The following ADGRG6 variants were observed in gnomAD, a reference collection of about 807,000 sequenced individuals.
ADGRG6 encodes the protein adhesion G protein-coupled receptor G6.
A neutral mutation model predicts 142.4 loss-of-function variants in ADGRG6; 84 were observed. The ratio of observed to expected loss-of-function variants is 0.59; its 90% CI spans 0.49 to 0.71. ADGRG6 has a LOEUF of 0.71. Ranked by LOEUF, ADGRG6 falls within the 30% of genes least tolerant of loss-of-function variation. The pLI is 0.00. For synonymous variants in ADGRG6, 521 were observed against 520.5 expected (o/e 1.00, Z -0.01); for missense variants, 1,367 against 1,466.6 (o/e 0.93, Z 1.11).
intron 15 of ADGRG6, 41 bp from the exon 16 acceptor site, chr6:142,408,109 G>T (rs752760161): frequency 6.8e-7 from 1 of 1,468,118 alleles, no homozygotes; most frequent in South Asian, 1.4e-5. Context: ...AAATAAAAGT[G>T]TACTTCTGAC....
chr6:142,315,905 G>T (rs914695290), intron 2 of ADGRG6, among the ~76,000 whole-genome samples: 1 of 151,976 alleles, frequency 6.6e-6, no homozygotes, highest in African/African-American at 2.4e-5. Context: ...GATGGTAGCT[G>T]TCACCAGTTC....
In ADGRG6 at chr6:142,403,958, T is replaced by G. The variant is rs765949375; in HGVS notation, c.2112T>G (p.Asn704Lys). The stretch of plus-strand genomic sequence containing the variant: ...TTAGCATTGGTCTTCCAAGCAATAA[T>G]GAATCGTATTTCCAGGTAATGAGCC... Reference protein sequence around the residue: ...SNFSIGLPSNNESYFQMDFES... With the variant: ...SNFSIGLPSNKESYFQMDFES... Residue 704 changes from asparagine to lysine, a missense_variant, in exon 14 of 25, where the codon AAT becomes AAG. Asn to Lys is a moderately conservative substitution (Grantham distance 94). Around this residue, in one of 3 missense-constraint regions of ADGRG6, gnomAD observed 286 missense variants for 371.4 expected, o/e 0.77. Transcript: ENST00000367609. 1 of 1,608,012 alleles carries G rather than the reference T, an allele frequency of 6.2e-7. No homozygotes were observed. The highest frequency in any genetic ancestry group is 1.7e-5 in the Admixed American group (1 of 59,736).
chr6:142,389,668 A>G (rs1367792125), intron 6 of ADGRG6, among the ~76,000 whole-genome samples: 1 of 151,570 alleles, frequency 6.6e-6, no homozygotes, highest in South Asian at 2.1e-4. Context: ...TTTTCCCTCT[A>G]TTTTGGTATA....
chr6:142,329,936 T>G (rs1453862743), intron 2 of ADGRG6, among the ~76,000 whole-genome samples: 7 of 152,166 alleles, frequency 4.6e-5, no homozygotes, highest in African/African-American at 1.2e-4. Flanking sequence ...ACTGATGAAC[T>G]TCACTCTCCA....
intron 6 of ADGRG6, among the ~76,000 whole-genome samples, chr6:142,387,621 C>A (rs1782096420): frequency 6.6e-6 from 1 of 152,032 alleles, no homozygotes; most frequent in African/African-American, 2.4e-5. Context: ...TCTATTTTTT[C>A]AAATAGGCCT....
intron 10 of ADGRG6, among the ~76,000 whole-genome samples, chr6:142,399,118 T>C (rs1775368224): frequency 6.6e-6 from 1 of 152,192 alleles, no homozygotes; most frequent in African/African-American, 2.4e-5. Flanking sequence ...ATTAGGTACA[T>C]TAGTAGAGAT....
chr6:142,320,362 G>A (rs1778452541), intron 2 of ADGRG6, among the ~76,000 whole-genome samples: 1 of 152,016 alleles, frequency 6.6e-6, no homozygotes, highest in African/African-American at 2.4e-5. Context: ...AACTTGAACA[G>A]CACACACCAA....
chr6:142,312,118 A>G (rs1170045428), intron 2 of ADGRG6, among the ~76,000 whole-genome samples: 5 of 152,010 alleles, frequency 3.3e-5, no homozygotes, highest in African/African-American at 9.7e-5. Context: ...GATAATCTGC[A>G]TAGATTTTGG....
At chr6:142,434,194 T>C (rs1434671525) in intron 22 of ADGRG6, among the ~76,000 whole-genome samples, 2 of 150,030 alleles carry the variant, frequency 1.3e-5, no homozygotes. Context: ...TCATATTTTA[T>C]TTATATAAAT....
intron 2 of ADGRG6, among the ~76,000 whole-genome samples, chr6:142,351,102 A>G (rs1259660957): frequency 6.6e-6 from 1 of 152,054 alleles, no homozygotes; most frequent in African/African-American, 2.4e-5. Flanking sequence ...TTAGCCGGGC[A>G]TGGTGGCGGG....
chr6:142,339,057 A>G (rs1337771946), intron 2 of ADGRG6, among the ~76,000 whole-genome samples: 3 of 152,226 alleles, frequency 2.0e-5, no homozygotes, highest in Non-Finnish European at 4.4e-5. Context: ...CATCCAGGAT[A>G]GTTATTAATT....
At chr6:142,349,818 T>C (rs7756305) in intron 2 of ADGRG6, among the ~76,000 whole-genome samples, 43,280 of 152,096 alleles carry the variant, frequency 0.28, 6,218 homozygotes, top group East Asian at 0.34. Context: ...AAATGGCAAG[T>C]CTGTCTGGCT....
chr6:142,379,908 G>A (rs1229098500), intron 4 of ADGRG6, among the ~76,000 whole-genome samples: 2 of 152,204 alleles, frequency 1.3e-5, no homozygotes, highest in African/African-American at 4.8e-5. Flanking sequence ...CTGATGACAT[G>A]TGCCCAAGAT....
chr6:142,349,716 A>G (rs1780072064), intron 2 of ADGRG6, among the ~76,000 whole-genome samples: 1 of 152,190 alleles, frequency 6.6e-6, no homozygotes, highest in South Asian at 2.1e-4. Flanking sequence ...TCCATAGAGT[A>G]AACACACACA....
chr6:142,432,779 C>A (rs775547741), intron 22 of ADGRG6, among the ~76,000 whole-genome samples: 13 of 152,144 alleles, frequency 8.5e-5, no homozygotes, highest in Non-Finnish European at 1.5e-4. Context: ...TTTTACTACC[C>A]CAACAAGGCT....
At position 142,402,048 on chromosome 6, in the gene ADGRG6, C is replaced by A; in HGVS notation, c.1734C>A (p.Ser578=). 1.3e-6 allele frequency: 2 copies of A among 1,533,632 alleles called. No individual in the cohort carries two copies. Among genetic ancestry groups the A allele is most frequent in the East Asian group, 2.3e-5 (1 of 43,836 alleles). ...LVTYWGPVDI[S]NCLKEANEVA... ...CCTACTGGGGACCTGTTGATATCTC[C>A]AACTGTTTAAGTAAGTGAGCAGTTT... Residue 578 remains serine, a synonymous_variant, in exon 12 of 25, where the codon TCC becomes TCA. Coordinates refer to ENST00000367609, the MANE Select transcript of ADGRG6 (RefSeq NM_198569.3).
chr6:142,331,350 A>G (rs1262648355), intron 2 of ADGRG6, among the ~76,000 whole-genome samples: 2 of 152,110 alleles, frequency 1.3e-5, no homozygotes, highest in Non-Finnish European at 2.9e-5. Flanking sequence ...GTGTCTTTTT[A>G]GGCCTAGTGA....
At position 142,338,027 on chromosome 6, in the gene ADGRG6, T is replaced by TG. The variant is rs1554234628; in HGVS notation, c.103+28383_103+28384insG. 3.4e-5 allele frequency among the ~76,000 whole-genome samples: 2 copies of TG among 58,002 alleles called. 1 individual carries two copies. Among genetic ancestry groups the TG allele is most frequent in the Non-Finnish European group, 6.9e-5 (2 of 29,194 alleles). The allele number at this position is 58,002 out of a possible 152,430, so 38.1% of individuals were successfully genotyped here. A position where few individuals can be genotyped will look rare whatever the true frequency, so the allele number is the denominator to read the frequency against. On this transcript the variant is annotated intron_variant, in intron 2 of 24. Coordinates refer to ENST00000367609, the MANE Select transcript of ADGRG6 (RefSeq NM_198569.3). ...ATGCCTTGTATCTTTGTTTTTTTTT[T>TG]TTTTTTTTTTTGAGACGGAGTCTCG... is the stretch of plus-strand genomic sequence containing the variant.
At chr6:142,328,432 G>A (rs778473091) in intron 2 of ADGRG6, among the ~76,000 whole-genome samples, 1 of 152,054 alleles carries the variant, frequency 6.6e-6, no homozygotes, top group Non-Finnish European at 1.5e-5. Context: ...GATCTTATGA[G>A]CTCAAGTGAT....
Sources: allele counts gnomAD v4.1 joint callset (sites outside exome capture counted in the v4.1 genomes callset), GRCh38; gene constraint gnomAD v4.1.1; regional missense constraint gnomAD v4.1.1; transcripts MANE v1.5; gene names NCBI Gene and HGNC (gene_info 2026-07-23, HGNC 2026-07-21).